The following MTFR1 variants were observed in gnomAD, a reference collection of about 807,000 sequenced individuals.
MTFR1 encodes mitochondrial fission regulator 1.
In MTFR1, 28 loss-of-function variants were observed where a neutral mutation model predicts 38.8. The observed-to-expected ratio is 0.72, with a 90% CI of 0.53 to 0.99. MTFR1 has a LOEUF of 0.99. MTFR1 is among the 50% of genes least tolerant of loss of function. MTFR1 has a pLI of 0.00. For missense variants in MTFR1, 358 were observed against 395.5 expected, an observed-to-expected ratio of 0.91 and a Z score of 0.81; for synonymous variants, 145 against 137.0, an observed-to-expected ratio of 1.06 and a Z score of -0.41.
intron 3 of MTFR1, among the ~76,000 whole-genome samples, chr8:65,688,980 A>T (rs1805189607): frequency 6.6e-6 from 1 of 151,884 alleles, no homozygotes; most frequent in South Asian, 2.1e-4. Context: ...CCCCATCTCT[A>T]CTAAAAACAC....
intron 4 of MTFR1, 38 bp from the exon 5 acceptor site, chr8:65,704,656 C>A: frequency 1.3e-6 from 2 of 1,565,882 alleles, no homozygotes; most frequent in Non-Finnish European, 1.8e-6. Context: ...CGTTCTCTTA[C>A]AAAGCCTGTG....
intron 1 of MTFR1, among the ~76,000 whole-genome samples, chr8:65,654,639 G>A (rs1303578241): frequency 3.3e-5 from 5 of 152,198 alleles, no homozygotes; most frequent in Non-Finnish European, 5.9e-5. Context: ...GTACAGTGGC[G>A]CACTGATAGC....
At chr8:65,739,414 T>C in intron 3 of MTFR1, 3 of 1,382,524 alleles carry the variant, frequency 2.2e-6, no homozygotes, top group African/African-American at 1.5e-5. Flanking sequence ...TATAGAGCAA[T>C]AGCTAACCGA....
intron 1 of MTFR1, among the ~76,000 whole-genome samples, chr8:65,657,529 C>T (rs899335071): frequency 2.6e-5 from 4 of 151,504 alleles, no homozygotes; most frequent in African/African-American, 9.7e-5. Context: ...GTAGTGAGAC[C>T]CCGTCTCTAA....
At chr8:65,769,116 C>A (rs1808945920) in intron 3 of MTFR1, among the ~76,000 whole-genome samples, 1 of 151,778 alleles carries the variant, frequency 6.6e-6, no homozygotes, top group Non-Finnish European at 1.5e-5. Context: ...GGCGTGATGG[C>A]AGGCGCCTGT....
downstream of MTFR1, among the ~76,000 whole-genome samples, chr8:65,771,720 C>T (rs1809092349): frequency 6.6e-6 from 1 of 151,550 alleles, no homozygotes; most frequent in Non-Finnish European, 1.5e-5. Context: ...ACTAAAAATA[C>T]AAAGGTTAGC....
the MTFR1 span, among the ~76,000 whole-genome samples, chr8:65,777,428 A>G: frequency 7.9e-5 from 12 of 152,134 alleles, no homozygotes; most frequent in Admixed American, 5.9e-4. Context: ...TCACTGTTAA[A>G]CCAATCTTAT....
intron 3 of MTFR1, among the ~76,000 whole-genome samples, chr8:65,755,024 ATT>A (rs113923652): frequency 1.5e-4 from 20 of 136,804 alleles, no homozygotes; most frequent in East Asian, 2.2e-4. Flanking sequence ...TTTTTCACTT[ATT>A]TTTTTTTTTT....
At chr8:65,680,766 A>G (rs954680237) in intron 2 of MTFR1, among the ~76,000 whole-genome samples, 2 of 152,062 alleles carry the variant, frequency 1.3e-5, no homozygotes, top group Non-Finnish European at 2.9e-5. Context: ...TTTAGTCTTT[A>G]GAATATAATT....
chr8:65,673,632 C>T (rs964592232), intron 2 of MTFR1, among the ~76,000 whole-genome samples: 3 of 151,428 alleles, frequency 2.0e-5, no homozygotes, highest in Admixed American at 6.6e-5. Context: ...GGCCAGGCAT[C>T]GTGGCTCACA....
In MTFR1 at chr8:65,709,873, CTAAGT is replaced by C. The variant is rs1805894853; in HGVS notation, c.*833_*837del. On this transcript the variant is annotated 3_prime_UTR_variant, in exon 8 of 8. Transcript: ENST00000262146. ...AAATGGCATCATAAAGATGACTTTGCTAAGTTAATAGAGTTAAAAATTTTTTTAAT... is the reference window on the plus strand; with the variant it reads ...AAATGGCATCATAAAGATGACTTTGCTAATAGAGTTAAAAATTTTTTTAAT... The C allele has an allele frequency of 6.6e-6, 1 of 152,518 alleles. No homozygotes were observed. Among genetic ancestry groups the C allele is most frequent in the African/African-American group, 2.4e-5 (1 of 41,392 alleles). 9.4% of individuals were successfully genotyped at this position (152,518 alleles called of 1,614,324 possible).
intron 3 of MTFR1, among the ~76,000 whole-genome samples, chr8:65,746,385 A>C (rs1478603984): frequency 6.6e-6 from 1 of 152,142 alleles, no homozygotes; most frequent in African/African-American, 2.4e-5. Flanking sequence ...ACCATGCTTA[A>C]ATTATTTGTT....
At position 65,723,225 on chromosome 8, in the gene MTFR1, C is replaced by T. The variant is rs561068151; in HGVS notation, c.*48+3744C>T. On this transcript the variant is annotated intron_variant, in intron 3 of 3. Coordinates refer to the MTFR1 transcript ENST00000521247. Reference sequence around the variant, plus strand: ...TTTATTTTTGTCATTTCTTTGTTTACCTATCCTTTTTTAAATGGCAGTCCC... The same window carrying T: ...TTTATTTTTGTCATTTCTTTGTTTATCTATCCTTTTTTAAATGGCAGTCCC... 2.6e-3 allele frequency: 429 copies of T among 166,368 alleles called. 1 individual carries two copies. Among genetic ancestry groups the T allele is most frequent in the African/African-American group, 9.4e-3 (394 of 42,054 alleles). The allele number at this position is 166,368 out of a possible 1,614,324, so 10.3% of individuals were successfully genotyped here.
At chr8:65,740,731 T>C (rs1223575400) in intron 3 of MTFR1, among the ~76,000 whole-genome samples, 6 of 152,140 alleles carry the variant, frequency 3.9e-5, no homozygotes, top group Non-Finnish European at 7.4e-5. Flanking sequence ...AGCCAATCCA[T>C]CCACACCTCC....
At chr8:65,655,951 A>ATATATATATATATATATGT (rs1377063247) in intron 1 of MTFR1, among the ~76,000 whole-genome samples, 2 of 55,380 alleles carry the variant, frequency 3.6e-5, no homozygotes, top group Non-Finnish European at 6.2e-5. Flanking sequence ...TAAAAAAAAA[A>ATATATATATATATATATGT]ATATATATAT....
At chr8:65,754,266 G>T (rs1808110722) in intron 3 of MTFR1, among the ~76,000 whole-genome samples, 1 of 151,934 alleles carries the variant, frequency 6.6e-6, no homozygotes, top group Non-Finnish European at 1.5e-5. Context: ...AAGATTGAGG[G>T]TGCGTCTGCC....
chr8:65,661,103 A>G (rs68087267), intron 1 of MTFR1, among the ~76,000 whole-genome samples: 29,222 of 152,234 alleles, frequency 0.19, 2,971 homozygotes, highest in Middle Eastern at 0.23. Flanking sequence ...GGATTTTTAG[A>G]GCAGTGAAAC....
At chr8:65,653,372 C>T (rs757099327) in intron 1 of MTFR1, among the ~76,000 whole-genome samples, 12 of 151,978 alleles carry the variant, frequency 7.9e-5, no homozygotes, top group African/African-American at 2.7e-4. Context: ...ATTAGCTGGG[C>T]GTGGTGGTCT....
intron 2 of MTFR1, among the ~76,000 whole-genome samples, chr8:65,671,255 C>T (rs1804561895): frequency 6.6e-6 from 1 of 151,956 alleles, no homozygotes; most frequent in Non-Finnish European, 1.5e-5. Flanking sequence ...ACTTAGTGGC[C>T]AGTCGCAGTG....
Sources: allele counts gnomAD v4.1 joint callset (sites outside exome capture counted in the v4.1 genomes callset), GRCh38; gene constraint gnomAD v4.1.1; transcripts MANE v1.5; gene names NCBI Gene and HGNC (gene_info 2026-07-23, HGNC 2026-07-21).